The following SHLD2 variants were observed in gnomAD, a reference collection of about 807,000 sequenced individuals.
SHLD2 encodes the protein shieldin complex subunit 2, also known as RINN1-REV7-interacting novel NHEJ regulator 2.
In SHLD2, 30 loss-of-function variants were observed where a neutral mutation model predicts 73.2. The observed-to-expected ratio is 0.41, with a 90% confidence interval of 0.31 to 0.56. SHLD2 has a LOEUF of 0.56. SHLD2 is among the 20% of genes least tolerant of loss of function. The pLI is 0.28. For missense variants in SHLD2, 745 were observed against 1,055.9 expected (o/e 0.71, Z 4.08); for synonymous variants, 285 against 370.1 (o/e 0.77, Z 2.64).
rs1323950788 is a variant in SHLD2 at position 87,144,890 on chromosome 10, T to C, written c.-5-6460T>C. ...ATCTGCCCGCCTCAGCCTCCCAAAG[T>C]GCTGGGATTGATTACAGGCGTGAGC... On this transcript the variant is annotated intron_variant, in intron 2 of 9. Transcript: ENST00000298786. Among the ~76,000 whole-genome samples the C allele has an allele frequency of 4.7e-5, 7 of 148,156 alleles. No individual in the cohort carries two copies. In the East Asian group the frequency reaches 1.4e-3, roughly 30 times the overall value.
rs1430867386 is a variant in SHLD2 at position 87,148,773 on chromosome 10, TA to T, written c.-5-2574del. ...ATAAAATAAAATAAAGATTTGAAAC[TA>T]AAGGGAAGAAACCATTGGAGAAGAA... On this transcript the variant is annotated intron_variant, in intron 2 of 9. Transcript: ENST00000298786. Among the ~76,000 whole-genome samples, 2 of 150,994 alleles carry T rather than the reference TA, an allele frequency of 1.3e-5. 1 individual carries two copies. The highest frequency in any genetic ancestry group is 1.3e-4 in the Admixed American group (2 of 15,156).
intron 4 of SHLD2, among the ~76,000 whole-genome samples, chr10:87,162,712 A>C (rs1214600379): frequency 1.3e-5 from 2 of 152,122 alleles, no homozygotes; most frequent in East Asian, 3.8e-4. Context: ...GTCAGTTTTC[A>C]AAAAAAGATA....
chr10:87,171,672 ATAT>A (rs1309115215), intron 6 of SHLD2, among the ~76,000 whole-genome samples: 2 of 152,180 alleles, frequency 1.3e-5, no homozygotes, highest in Non-Finnish European at 2.9e-5. Flanking sequence ...TTGATTCAGT[ATAT>A]TATTATTTTT....
At chr10:87,163,126 T>C (rs1331622915) in intron 4 of SHLD2, among the ~76,000 whole-genome samples, 2 of 152,056 alleles carry the variant, frequency 1.3e-5, no homozygotes, top group Admixed American at 1.3e-4. Context: ...ACTATGCAGC[T>C]GTACAAAAAG....
chr10:87,187,713 T>C (rs907583904), intron 9 of SHLD2, among the ~76,000 whole-genome samples: 1 of 152,236 alleles, frequency 6.6e-6, no homozygotes, highest in Non-Finnish European at 1.5e-5. Flanking sequence ...TAGATTGTTT[T>C]TCGTGTATTT....
chr10:87,110,366 T>C (rs747324098), intron 2 of SHLD2, among the ~76,000 whole-genome samples: 11 of 152,058 alleles, frequency 7.2e-5, no homozygotes, highest in Admixed American at 4.6e-4. Context: ...TCCCAGCACT[T>C]TGGGAGGCCG....
intron 3 of SHLD2, among the ~76,000 whole-genome samples, chr10:87,153,748 A>G (rs1002626346): frequency 6.6e-6 from 1 of 152,164 alleles, no homozygotes; most frequent in Non-Finnish European, 1.5e-5. Context: ...TTTTATCCCT[A>G]CTTTTCAGTT....
chr10:87,114,609 C>T (rs963918242), intron 2 of SHLD2, among the ~76,000 whole-genome samples: 6 of 152,100 alleles, frequency 3.9e-5, no homozygotes, highest in Non-Finnish European at 8.8e-5. Flanking sequence ...CCTGTAATCC[C>T]AGCTACTCAG....
Position 87,151,278 on chromosome 10 carries a change from A to G in SHLD2, c.-5-72A>G, listed in dbSNP as rs562719421. ...ACTCAGTTATATTTTCTTTTGGTAC[A>G]TTATTAAGTTAATATCCATATGCAA... On this transcript the variant is annotated intron_variant, in intron 2 of 9. Transcript: ENST00000298786. 126 of 725,514 alleles carry G rather than the reference A, an allele frequency of 1.7e-4. No individual in the cohort carries two copies. In the African/African-American group the frequency reaches 2.1e-3, roughly 12 times the overall value. The allele number at this position is 725,514 out of a possible 1,614,324, so 44.9% of individuals were successfully genotyped here.
chr10:87,145,127 G>C (rs1206256301), intron 2 of SHLD2, among the ~76,000 whole-genome samples: 1 of 150,892 alleles, frequency 6.6e-6, no homozygotes, highest in African/African-American at 2.4e-5. Flanking sequence ...TTTTTTAGTG[G>C]AGACGGGGTT....
chr10:87,166,244 A>G (rs1847192364), intron 4 of SHLD2, among the ~76,000 whole-genome samples: 1 of 151,924 alleles, frequency 6.6e-6, no homozygotes, highest in South Asian at 2.1e-4. Flanking sequence ...TAGATGGTTT[A>G]CATACCTTTT....
intron 4 of SHLD2, among the ~76,000 whole-genome samples, chr10:87,163,034 T>C (rs576313234): frequency 5.3e-5 from 8 of 152,258 alleles, no homozygotes; most frequent in South Asian, 4.1e-4. Context: ...AGGTTATTCA[T>C]TGCAGTATTG....
intron 2 of SHLD2, among the ~76,000 whole-genome samples, chr10:87,135,046 G>T (rs1844705540): frequency 6.6e-6 from 1 of 151,966 alleles, no homozygotes; most frequent in South Asian, 2.1e-4. Context: ...ATATAAACTT[G>T]AATTTTTGAA....
At chr10:87,105,610 T>A (rs1000048497) in intron 2 of SHLD2, among the ~76,000 whole-genome samples, 3 of 152,192 alleles carry the variant, frequency 2.0e-5, no homozygotes, top group Non-Finnish European at 4.4e-5. Context: ...AAGGCAGGGC[T>A]TTTCCATTGA....
chr10:87,115,456 G>A (rs528865657), intron 2 of SHLD2: 1 of 152,184 alleles, frequency 6.6e-6, no homozygotes, highest in African/African-American at 2.4e-5. Flanking sequence ...ACATGTACAG[G>A]TTAGATAGTG....
intron 2 of SHLD2, among the ~76,000 whole-genome samples, chr10:87,138,299 A>T (rs1844941512): frequency 1.3e-5 from 2 of 152,076 alleles, no homozygotes; most frequent in Admixed American, 1.3e-4. Flanking sequence ...ACTCAGTCTC[A>T]AAAACAAAGA....
At chr10:87,102,578 GC>G (rs201046597) in intron 2 of SHLD2, among the ~76,000 whole-genome samples, 1,894 of 152,154 alleles carry the variant, frequency 0.012, 30 homozygotes, top group Middle Eastern at 0.071. Flanking sequence ...GTGCAGTGGT[GC>G]GTGCCTGTAA....
intron 4 of SHLD2, among the ~76,000 whole-genome samples, chr10:87,169,723 T>C (rs1847453360): frequency 6.6e-6 from 1 of 151,406 alleles, no homozygotes; most frequent in South Asian, 2.1e-4. Flanking sequence ...ATTTAAAATA[T>C]ATGCATGTTA....
At chr10:87,168,020 C>G (rs1847325256) in intron 4 of SHLD2, among the ~76,000 whole-genome samples, 1 of 152,188 alleles carries the variant, frequency 6.6e-6, no homozygotes, top group South Asian at 2.1e-4. Flanking sequence ...TGCTCATACA[C>G]TGTTGGTGCG....
Sources: gnomAD v4.1 joint callset for allele counts (sites outside exome capture counted in the v4.1 genomes callset) on GRCh38, gnomAD v4.1.1 for gene constraint, MANE v1.5 for transcripts, NCBI Gene and HGNC (gene_info 2026-07-23, HGNC 2026-07-21) for gene names.